Variants in GPBP1L1 observed in about 807,000 individuals in gnomAD.
GPBP1L1 encodes vasculin-like protein 1.
In GPBP1L1, 23 loss-of-function variants were observed where a neutral mutation model predicts 52.5. The ratio of observed to expected loss-of-function variants is 0.44; its 90% CI spans 0.32 to 0.62. GPBP1L1 has a LOEUF of 0.62. Ranked by LOEUF, GPBP1L1 falls within the 20% of genes least tolerant of loss-of-function variation. The pLI is 0.06. For missense variants in GPBP1L1, 596 were observed against 579.3 expected (o/e 1.03, Z -0.30); for synonymous variants, 243 against 203.1 (o/e 1.20, Z -1.67).
rs1396730516 is a variant in GPBP1L1 at position 45,661,207 on chromosome 1, G to T, written c.-1079C>A. ...CCACCACTTCACAATCATTTGAAAG[G>T]CCACACGAATCTATCACTCTGTAAA... On this transcript the variant is annotated 5_prime_UTR_variant, in exon 3 of 13. Transcript: ENST00000355105. The T allele has an allele frequency of 6.6e-6, 1 of 152,106 alleles. No individual in the cohort carries two copies. Among genetic ancestry groups the T allele is most frequent in the Non-Finnish European group, 1.5e-5 (1 of 68,020 alleles). 9.4% of individuals were successfully genotyped at this position (152,106 alleles called of 1,614,324 possible). A position where few individuals can be genotyped will look rare whatever the true frequency, so the allele number is the denominator to read the frequency against.
intron 6 of GPBP1L1, 123 bp from the exon 7 acceptor site, chr1:45,642,622 C>A (rs1644688473): frequency 1.4e-6 from 1 of 692,378 alleles, no homozygotes; most frequent in Non-Finnish European, 2.6e-6. Flanking sequence ...GCAACACTTA[C>A]TAATTTGACA....
intron 2 of GPBP1L1, among the ~76,000 whole-genome samples, chr1:45,679,104 G>A (rs1398740956): frequency 6.6e-6 from 1 of 152,136 alleles, no homozygotes. Context: ...ATAAACCACT[G>A]ATGTCCAGGC....
chr1:45,661,285 T>C (rs1343137841), intron 2 of GPBP1L1, 60 bp from the exon 3 acceptor site: 2 of 152,186 alleles, frequency 1.3e-5, no homozygotes, highest in African/African-American at 2.4e-5. Context: ...CATATATACA[T>C]ATATCTGCTA....
In GPBP1L1 at chr1:45,628,025, T is replaced by TGTGA; in HGVS notation, c.*230_*231insTCAC. 3 of 482,146 alleles carry TGTGA rather than the reference T, an allele frequency of 6.2e-6. No homozygotes were observed. The highest frequency in any genetic ancestry group is 1.1e-5 in the Non-Finnish European group (3 of 264,156). 29.9% of individuals were successfully genotyped at this position (482,146 alleles called of 1,614,324 possible). Reference sequence around the variant, plus strand: ...GTGTGTATGTGTGTGTGTGTGTGAGTGTGTTTAAAAAATCTGTCCCACCAC... The same window carrying TGTGA: ...GTGTGTATGTGTGTGTGTGTGTGAGTGTGAGTGTTTAAAAAATCTGTCCCACCAC... On this transcript the variant is annotated 3_prime_UTR_variant, in exon 13 of 13. Coordinates refer to ENST00000355105, the MANE Select transcript of GPBP1L1 (RefSeq NM_021639.5).
At chr1:45,685,050 T>A (rs1360764916) in intron 2 of GPBP1L1, among the ~76,000 whole-genome samples, 1 of 151,984 alleles carries the variant, frequency 6.6e-6, no homozygotes, top group African/African-American at 2.4e-5. Flanking sequence ...TTGTTTAAAC[T>A]TCTGGATCTA....
chr1:45,686,666 C>T (rs1296135846), upstream of GPBP1L1: 2 of 152,380 alleles, frequency 1.3e-5, no homozygotes, highest in East Asian at 1.9e-4. Context: ...AGGGACTGCT[C>T]CGGCGACCCT....
At chr1:45,639,465 G>A (rs1260020377) in intron 8 of GPBP1L1, among the ~76,000 whole-genome samples, 4 of 151,604 alleles carry the variant, frequency 2.6e-5, no homozygotes, top group South Asian at 2.1e-4. Flanking sequence ...GGTGGCTCAC[G>A]CCCATAATCT....
At chr1:45,654,880 T>C (rs1272301402) in intron 5 of GPBP1L1, 51 bp from the exon 6 acceptor site, 5 of 1,560,508 alleles carry the variant, frequency 3.2e-6, no homozygotes, top group Non-Finnish European at 4.3e-6. Flanking sequence ...CCTGATTTGG[T>C]TTACGGTATT....
Position 45,659,038 on chromosome 1 carries a change from T to C in GPBP1L1, c.50A>G (p.Gln17Arg), listed in dbSNP as rs762888084. Reference sequence around the variant, plus strand: ...AATGGAGAACAGTACCTTAGCTGACTGTGGTGTTGAGAAATTTAGCCAAGC... The same window carrying C: ...AATGGAGAACAGTACCTTAGCTGACCGTGGTGTTGAGAAATTTAGCCAAGC... ...VPAWLNFSTP[Q>R]SAKSPTATFE... is the part of the protein sequence containing the mutation. The change falls in exon 4 of 13, where the codon CAG becomes CGG. Residue 17 changes from glutamine to arginine, a missense_variant. Physicochemically the swap from Gln to Arg is conservative, Grantham distance 43. Transcript: ENST00000355105. The C allele has an allele frequency of 5.6e-6, 9 of 1,607,452 alleles. No homozygotes were observed. The South Asian group carries it at 9.9e-5, about 18-fold the overall frequency.
chr1:45,674,314 TTTCA>T (rs1422881770), intron 2 of GPBP1L1, among the ~76,000 whole-genome samples: 1 of 152,172 alleles, frequency 6.6e-6, no homozygotes, highest in African/African-American at 2.4e-5. Context: ...AATATCACAA[TTTCA>T]TTAAAGACAG....
chr1:45,642,125 G>A (rs1644682219), intron 7 of GPBP1L1, among the ~76,000 whole-genome samples: 1 of 152,202 alleles, frequency 6.6e-6, no homozygotes, highest in African/African-American at 2.4e-5. Context: ...GCAACAGAAT[G>A]AGACTGTCTC....
At chr1:45,637,543 G>GTTTTTTTTTTTTTTTT (rs1553179402) in intron 8 of GPBP1L1, among the ~76,000 whole-genome samples, 51 of 98,622 alleles carry the variant, frequency 5.2e-4, no homozygotes, top group South Asian at 1.5e-3. Context: ...CTTTATATTA[G>GTTTTTTTTTTTTTTTT]TTTTCCAATC....
chr1:45,669,154 CAA>C (rs1305808491), intron 2 of GPBP1L1, among the ~76,000 whole-genome samples: 1 of 152,166 alleles, frequency 6.6e-6, no homozygotes, highest in Non-Finnish European at 1.5e-5. Context: ...AAGTTTGGCT[CAA>C]ATACAGAGAT....
chr1:45,667,132 G>A (rs1222999603), intron 2 of GPBP1L1, among the ~76,000 whole-genome samples: 6 of 152,156 alleles, frequency 3.9e-5, no homozygotes, highest in Non-Finnish European at 7.3e-5. Flanking sequence ...GTTGCACAAC[G>A]CTGAGAATGT....
intron 6 of GPBP1L1, chr1:45,645,752 T>TG: frequency 2.8e-6 from 1 of 356,584 alleles, no homozygotes; most frequent in South Asian, 2.3e-5. Flanking sequence ...TTGGGAACGA[T>TG]ATTCCGAAGT....
intron 2 of GPBP1L1, among the ~76,000 whole-genome samples, chr1:45,677,023 A>C (rs990254635): frequency 6.7e-5 from 10 of 149,884 alleles, no homozygotes; most frequent in African/African-American, 2.5e-4. Context: ...GATCTCTACC[A>C]AAAAAAAACA....
chr1:45,633,217 C>A (rs1030139915), intron 10 of GPBP1L1, among the ~76,000 whole-genome samples: 1 of 152,156 alleles, frequency 6.6e-6, no homozygotes, highest in African/African-American at 2.4e-5. Context: ...TGGATGTTTA[C>A]TGCAGTTTTA....
chr1:45,633,440 A>T lies in GPBP1L1; in HGVS notation c.1044+49T>A, dbSNP rs183768515. 14 of 1,593,268 alleles carry T rather than the reference A, an allele frequency of 8.8e-6. No individual in the cohort carries two copies. In the East Asian group the frequency reaches 3.1e-4, roughly 36 times the overall value. ...TTTAAGAAGAAGAAATCACGTATGT[A>T]TCAAAGGAAAATTCCTAGGCTACCC... is the stretch of plus-strand genomic sequence containing the variant. On this transcript the variant is annotated intron_variant, in intron 10 of 12. Coordinates refer to ENST00000355105, the MANE Select transcript of GPBP1L1 (RefSeq NM_021639.5).
chr1:45,665,917 T>C (rs1007613318), intron 2 of GPBP1L1, among the ~76,000 whole-genome samples: 10 of 152,062 alleles, frequency 6.6e-5, no homozygotes, highest in Non-Finnish European at 1.3e-4. Flanking sequence ...CTCCTACTGG[T>C]TGCCACTCTC....
Sources: gnomAD v4.1 joint callset for allele counts (sites outside exome capture counted in the v4.1 genomes callset) on GRCh38, gnomAD v4.1.1 for gene constraint, MANE v1.5 for transcripts, NCBI Gene and HGNC (gene_info 2026-07-23, HGNC 2026-07-21) for gene names.